Variants in STK32A observed in about 807,000 individuals in gnomAD.
The protein encoded by STK32A is serine/threonine-protein kinase 32A.
A neutral mutation model predicts 53.2 loss-of-function variants in STK32A; 41 were observed. The ratio of observed to expected loss-of-function variants is 0.77; its 90% CI spans 0.60 to 1.00. The LOEUF (loss-of-function observed/expected upper bound fraction) is 1.00. STK32A is among the 50% of genes least tolerant of loss of function. STK32A has a pLI of 0.00. For missense variants in STK32A, 458 were observed against 485.8 expected (o/e 0.94, Z 0.54); for synonymous variants, 166 against 162.8 (o/e 1.02, Z -0.15).
At chr5:147,316,764 AG>A (rs1281859990) in intron 4 of STK32A, among the ~76,000 whole-genome samples, 1 of 141,606 alleles carries the variant, frequency 7.1e-6, no homozygotes, top group Non-Finnish European at 1.5e-5. Context: ...CTGAGGCTGG[AG>A]GATTGCCTGA....
At position 147,280,335 on chromosome 5, in the gene STK32A, G is replaced by A. The variant is rs374135031; in HGVS notation, c.260+937G>A. Reference sequence around the variant, plus strand: ...CCAAGCCCTTTTATTTCCCAGCTGGGAGCGGGGAGCCTGGGGCAGGTTTTC... The same window carrying A: ...CCAAGCCCTTTTATTTCCCAGCTGGAAGCGGGGAGCCTGGGGCAGGTTTTC... On this transcript the variant is annotated intron_variant, in intron 4 of 12. Transcript: ENST00000397936. Among the ~76,000 whole-genome samples, 83 of 151,424 alleles carry A rather than the reference G, an allele frequency of 5.5e-4. 2 individuals are homozygous for A. Among genetic ancestry groups the A allele is most frequent in the African/African-American group, 2.0e-3 (82 of 41,212 alleles).
At chr5:147,342,906 G>T in intron 5 of STK32A, 100 bp from the exon 6 acceptor site, 1 of 1,021,996 alleles carries the variant, frequency 9.8e-7, no homozygotes, top group South Asian at 1.4e-5. Flanking sequence ...CTAGTACACT[G>T]TTTCAACTCC....
intron 2 of STK32A, among the ~76,000 whole-genome samples, chr5:147,265,735 C>A (rs1247620850): frequency 1.3e-5 from 2 of 152,032 alleles, no homozygotes; most frequent in South Asian, 2.1e-4. Flanking sequence ...GACTTGCCAG[C>A]AAAGCCGTGG....
chr5:147,246,306 C>G (rs150208976), intron 2 of STK32A, among the ~76,000 whole-genome samples: 1 of 152,250 alleles, frequency 6.6e-6, no homozygotes, highest in East Asian at 1.9e-4. Flanking sequence ...GAGAAACAAA[C>G]TAGAAAGCCA....
At chr5:147,379,858 T>C (rs1162302519) in intron 11 of STK32A, among the ~76,000 whole-genome samples, 2 of 152,176 alleles carry the variant, frequency 1.3e-5, no homozygotes, top group Admixed American at 1.3e-4. Flanking sequence ...TAAGCGATCA[T>C]TTCCCTTCTA....
At position 147,329,395 on chromosome 5, in the gene STK32A, C is replaced by A. The variant is rs893233472; in HGVS notation, c.434+5324C>A. Among the ~76,000 whole-genome samples, 13 of 152,136 alleles carry A rather than the reference C, an allele frequency of 8.5e-5. 1 individual carries two copies. The East Asian group carries it at 2.3e-3, about 27-fold the overall frequency. ...AATCTTAGGAATAATGCTTCTAGTC[C>A]AAATATTTATTCAAAAATTATTTAC... On this transcript the variant is annotated intron_variant, in intron 5 of 12. Coordinates refer to ENST00000397936, the MANE Select transcript of STK32A (RefSeq NM_001112724.2).
chr5:147,400,681 C>G, the STK32A span: 1 of 1,613,618 alleles, frequency 6.2e-7, no homozygotes, highest in Non-Finnish European at 8.5e-7. Context: ...CCCATGACCT[C>G]CATGCCTTAC....
chr5:147,384,505 C>A lies in STK32A; in HGVS notation c.*522C>A. On this transcript the variant is annotated 3_prime_UTR_variant, in exon 13 of 13. Coordinates refer to ENST00000397936, the MANE Select transcript of STK32A (RefSeq NM_001112724.2). ...TCTATCAGGGAGGCATGAATGGAATCAGATTAAAAGTAACAGAGATGGATG... is the reference window on the plus strand; with the variant it reads ...TCTATCAGGGAGGCATGAATGGAATAAGATTAAAAGTAACAGAGATGGATG... 1.5e-6 allele frequency: 2 copies of A among 1,326,830 alleles called. No homozygotes were observed. The highest frequency in any genetic ancestry group is 1.3e-5 in the South Asian group (1 of 78,036). The allele number at this position is 1,326,830 out of a possible 1,614,324, so 82.2% of individuals were successfully genotyped here. A position where few individuals can be genotyped will look rare whatever the true frequency, so the allele number is the denominator to read the frequency against.
At chr5:147,348,969 C>G (rs1755825906) in intron 6 of STK32A, 2 of 464,460 alleles carry the variant, frequency 4.3e-6, no homozygotes, top group East Asian at 8.0e-5. Flanking sequence ...GTGGTAGAAC[C>G]TAGACTTGAA....
Position 147,239,687 on chromosome 5 carries a change from G to GT in STK32A, c.52+2dup. 6.2e-7 allele frequency: 1 copy of GT among 1,604,894 alleles called. No individual in the cohort carries two copies. Among genetic ancestry groups the GT allele is most frequent in the Non-Finnish European group, 8.5e-7 (1 of 1,175,160 alleles). ...CCAGTGTTTGATGAAAATGAAGATG[G>GT]TAAGAAATATGGGATAGTGGCATAT... is the stretch of plus-strand genomic sequence containing the variant. On this transcript the variant is annotated splice_donor_variant, in intron 2 of 12. Coordinates refer to ENST00000397936, the MANE Select transcript of STK32A (RefSeq NM_001112724.2). LOFTEE classifies it high-confidence loss of function.
At chr5:147,272,356 C>G (rs1309374232) in intron 2 of STK32A, among the ~76,000 whole-genome samples, 1 of 152,174 alleles carries the variant, frequency 6.6e-6, no homozygotes, top group Admixed American at 6.5e-5. Flanking sequence ...GGATTACAGG[C>G]GTTAGCCACT....
chr5:147,259,100 T>C (rs1754373781), intron 2 of STK32A, among the ~76,000 whole-genome samples: 1 of 152,182 alleles, frequency 6.6e-6, no homozygotes, highest in Admixed American at 6.5e-5. Context: ...GAACCTGTCC[T>C]GAAGGGATTT....
At chr5:147,294,087 A>G (rs1389086127) in intron 4 of STK32A, among the ~76,000 whole-genome samples, 1 of 152,232 alleles carries the variant, frequency 6.6e-6, no homozygotes, top group Non-Finnish European at 1.5e-5. Flanking sequence ...CTGTGGTTCC[A>G]AAAGAGGGGC....
chr5:147,355,938 T>G (rs933055366), intron 7 of STK32A, among the ~76,000 whole-genome samples: 2 of 152,086 alleles, frequency 1.3e-5, no homozygotes, highest in Non-Finnish European at 2.9e-5. Flanking sequence ...TTTTTAAATA[T>G]TCGATCATGC....
At chr5:147,333,613 T>C (rs544535857) in intron 5 of STK32A, among the ~76,000 whole-genome samples, 3 of 152,344 alleles carry the variant, frequency 2.0e-5, no homozygotes, top group Non-Finnish European at 4.4e-5. Flanking sequence ...GCTGTGGTGA[T>C]GATATATTCT....
In STK32A at chr5:147,387,657, T is replaced by C. The variant is rs1187211767; in HGVS notation, c.*3674T>C. On this transcript the variant is annotated 3_prime_UTR_variant, in exon 13 of 13. Transcript: ENST00000397936. Reference sequence around the variant, plus strand: ...CCTGTTTCCTGCTATCTGTCTGTGATTCCTGTTTATTACAAATTCAGTGTG... The same window carrying C: ...CCTGTTTCCTGCTATCTGTCTGTGACTCCTGTTTATTACAAATTCAGTGTG... The C allele has an allele frequency of 1.3e-5, 2 of 152,248 alleles. No homozygotes were observed. Among genetic ancestry groups the C allele is most frequent in the Non-Finnish European group, 2.9e-5 (2 of 68,052 alleles). The allele number at this position is 152,248 out of a possible 1,614,324, so 9.4% of individuals were successfully genotyped here.
At chr5:147,242,969 A>G (rs1309949482) in intron 2 of STK32A, among the ~76,000 whole-genome samples, 1 of 152,204 alleles carries the variant, frequency 6.6e-6, no homozygotes, top group Non-Finnish European at 1.5e-5. Flanking sequence ...TGCTTATGTC[A>G]TTTTTGATAT....
At chr5:147,328,291 A>T (rs1226563823) in intron 5 of STK32A, among the ~76,000 whole-genome samples, 1 of 152,200 alleles carries the variant, frequency 6.6e-6, no homozygotes, top group Non-Finnish European at 1.5e-5. Flanking sequence ...TGTCTAGTGT[A>T]GTGATGTTTT....
chr5:147,399,218 G>A, the STK32A span: 9 of 1,614,134 alleles, frequency 5.6e-6, no homozygotes, highest in Non-Finnish European at 7.6e-6. Context: ...GCTTGTCACA[G>A]CCACGAACTG....
Sources: allele counts gnomAD v4.1 joint callset (sites outside exome capture counted in the v4.1 genomes callset), GRCh38; gene constraint gnomAD v4.1.1; transcripts MANE v1.5; gene names NCBI Gene and HGNC (gene_info 2026-07-23, HGNC 2026-07-21).